Variants in EXOC6 observed in about 807,000 individuals in gnomAD.
The protein encoded by EXOC6 is SEC15-like 1.
In EXOC6, 60 loss-of-function variants were observed where a neutral mutation model predicts 112.5. The ratio of observed to expected loss-of-function variants is 0.53; its 90% confidence interval spans 0.43 to 0.66. EXOC6 has a LOEUF of 0.66. Ranked by LOEUF, EXOC6 falls within the 30% of genes least tolerant of loss-of-function variation. The pLI is 0.00. For missense variants in EXOC6, 855 were observed against 957.1 expected, an observed-to-expected ratio of 0.89 and a Z score of 1.41; for synonymous variants, 295 against 308.0, an observed-to-expected ratio of 0.96 and a Z score of 0.44.
At chr10:93,044,443 T>C (rs1222605) in intron 20 of EXOC6, among the ~76,000 whole-genome samples, 19,670 of 152,188 alleles carry the variant, frequency 0.13, 1,422 homozygotes, top group African/African-American at 0.18. Context: ...AAATACTAAC[T>C]GAGATATTAT....
chr10:92,834,734 G>C lies in EXOC6; in HGVS notation c.-5G>C, dbSNP rs369031521. 8.1e-6 allele frequency: 13 copies of C among 1,605,174 alleles called. No homozygotes were observed. The South Asian group carries it at 1.2e-4, about 15-fold the overall frequency. On this transcript the variant is annotated 5_prime_UTR_variant, in exon 1 of 22. Transcript: ENST00000371552. ...GCAGCTGGAAAATTAGGGGCCTGTC[G>C]AGCGATGTTGGAAGAAGAAACAGAT...
intron 18 of EXOC6, among the ~76,000 whole-genome samples, chr10:92,989,744 A>G (rs1285160689): frequency 5.3e-5 from 8 of 152,250 alleles, no homozygotes; most frequent in Non-Finnish European, 8.8e-5. Context: ...AGTGATATTC[A>G]GAAGTAAAAC....
intron 19 of EXOC6, among the ~76,000 whole-genome samples, chr10:93,008,367 T>C (rs185257460): frequency 5.9e-4 from 90 of 152,272 alleles, no homozygotes; most frequent in Non-Finnish European, 7.4e-5. Context: ...ACATATCTTA[T>C]TGGGAAACCA....
chr10:92,934,500 T>C lies in EXOC6; in HGVS notation c.1140+70T>C. The C allele has an allele frequency of 2.2e-6, 3 of 1,348,386 alleles. No homozygotes were observed. The Admixed American group carries it at 8.1e-5, about 36-fold the overall frequency. The allele number at this position is 1,348,386 out of a possible 1,614,324, so 83.5% of individuals were successfully genotyped here. A position where few individuals can be genotyped will look rare whatever the true frequency, so the allele number is the denominator to read the frequency against. On this transcript the variant is annotated intron_variant, in intron 11 of 21. Transcript: ENST00000260762. ...TCAAGAACTTCTGAGCTGCATAATG[T>C]CAGAGGAAAACTGTACCTCCATCAT...
intron 4 of EXOC6, among the ~76,000 whole-genome samples, chr10:92,896,181 A>T (rs1189444126): frequency 0.011 from 117 of 10,230 alleles, 5 homozygotes; most frequent in Non-Finnish European, 0.012. Context: ...ATATATATAT[A>T]TTTTTTTTTT....
chr10:92,960,492 T>C (rs1024481411), intron 17 of EXOC6, among the ~76,000 whole-genome samples: 14 of 151,782 alleles, frequency 9.2e-5, no homozygotes, highest in Non-Finnish European at 1.5e-4. Context: ...GTGTACACTG[T>C]GGACTTTGGA....
chr10:92,978,384 T>C (rs1842711657), intron 18 of EXOC6, among the ~76,000 whole-genome samples: 1 of 151,990 alleles, frequency 6.6e-6, no homozygotes, highest in South Asian at 2.1e-4. Context: ...TGCTCCAGCT[T>C]GGGTGACAGA....
Position 92,848,542 on chromosome 10 carries a change from G to A in EXOC6, c.9G>A (p.Glu3=), listed in dbSNP as rs757221572. The A allele has an allele frequency of 7.1e-6, 10 of 1,414,092 alleles. No homozygotes were observed. The highest frequency in any genetic ancestry group is 6.6e-6 in the Non-Finnish European group (7 of 1,063,676). 87.6% of individuals were successfully genotyped at this position (1,414,092 alleles called of 1,614,324 possible). The change falls in exon 1 of 22, where the codon GAG becomes GAA. Residue 3 remains glutamate, a synonymous_variant. Transcript: ENST00000260762. ...CTCAGCTTCCAGCCAAAATGGCGGA[G>A]AACAGCGAGAGTCTGGGCACCGTCC... MA[E]NSESLGTVPE...
chr10:92,922,272 C>T (rs1237793917), intron 8 of EXOC6, among the ~76,000 whole-genome samples: 1 of 152,156 alleles, frequency 6.6e-6, no homozygotes, highest in Admixed American at 6.5e-5. Context: ...TGTTACAACT[C>T]TTCTTCCTTC....
intron 1 of EXOC6, among the ~76,000 whole-genome samples, chr10:92,865,441 T>C (rs1848127277): frequency 6.6e-6 from 1 of 151,652 alleles, no homozygotes; most frequent in Non-Finnish European, 1.5e-5. Context: ...GAGGCTGAGG[T>C]GGGAGGATAG....
intron 20 of EXOC6, among the ~76,000 whole-genome samples, chr10:93,055,699 T>TTTCAACTG (rs3980397): frequency 0.87 from 131,787 of 151,536 alleles, 57,456 homozygotes; most frequent in East Asian, 0.99. Flanking sequence ...TATCCTAGTG[T>TTTCAACTG]TTCAACTGTT....
intron 19 of EXOC6, among the ~76,000 whole-genome samples, chr10:93,013,073 A>C (rs901281389): frequency 1.3e-5 from 2 of 152,042 alleles, no homozygotes; most frequent in Non-Finnish European, 2.9e-5. Context: ...ATGGGGTGGG[A>C]AAATGATTAC....
intron 1 of EXOC6, among the ~76,000 whole-genome samples, chr10:92,866,524 T>A (rs1848181965): frequency 6.6e-6 from 1 of 152,182 alleles, no homozygotes; most frequent in African/African-American, 2.4e-5. Context: ...ATTAATTAAC[T>A]TAATATCAAG....
intron 1 of EXOC6, among the ~76,000 whole-genome samples, chr10:92,836,348 T>C (rs891466986): frequency 6.6e-6 from 1 of 152,160 alleles, no homozygotes; most frequent in African/African-American, 2.4e-5. Context: ...TTAGGAAAAA[T>C]ATCCCTGGTA....
intron 1 of EXOC6, among the ~76,000 whole-genome samples, chr10:92,880,394 G>T (rs1000619558): frequency 1.3e-5 from 2 of 151,544 alleles, no homozygotes; most frequent in Non-Finnish European, 2.9e-5. Flanking sequence ...GTTGAATCCA[G>T]GGATACGGAA....
chr10:92,951,145 C>G (rs1399172944), intron 14 of EXOC6, among the ~76,000 whole-genome samples: 2 of 152,114 alleles, frequency 1.3e-5, no homozygotes, highest in Non-Finnish European at 2.9e-5. Context: ...TAACTCATCT[C>G]AATGGTACAG....
chr10:92,990,291 C>T (rs1215045768), intron 18 of EXOC6, among the ~76,000 whole-genome samples: 2 of 152,068 alleles, frequency 1.3e-5, no homozygotes, highest in Admixed American at 1.3e-4. Context: ...CAAGTTCTGG[C>T]TAATCTTGGT....
chr10:92,893,824 G>A (rs1849622082), intron 2 of EXOC6, among the ~76,000 whole-genome samples: 1 of 152,134 alleles, frequency 6.6e-6, no homozygotes, highest in South Asian at 2.1e-4. Context: ...TAAAATGACA[G>A]TTAGTACAAT....
At chr10:93,006,111 G>T (rs1246763317) in intron 19 of EXOC6, among the ~76,000 whole-genome samples, 1 of 151,940 alleles carries the variant, frequency 6.6e-6, no homozygotes, top group Non-Finnish European at 1.5e-5. Context: ...AGTGAGCCGT[G>T]ATCATGCCAC....
Sources: allele counts gnomAD v4.1 joint callset (sites outside exome capture counted in the v4.1 genomes callset), GRCh38; gene constraint gnomAD v4.1.1; transcripts MANE v1.5; gene names NCBI Gene and HGNC (gene_info 2026-07-23, HGNC 2026-07-21).